The following PARP11 variants were observed in gnomAD, a reference collection of about 807,000 sequenced individuals.
PARP11 encodes the protein poly(ADP-ribose) polymerase family member 11.
A neutral mutation model predicts 42.9 loss-of-function variants in PARP11; 31 were observed. The observed-to-expected ratio is 0.72, with a 90% confidence interval of 0.54 to 0.98. The LOEUF (loss-of-function observed/expected upper bound fraction) is 0.98. Among genes scored for constraint, PARP11 ranks in the 50% least tolerant of loss-of-function variants. PARP11 has a pLI of 0.00. For synonymous variants in PARP11, 137 were observed against 127.3 expected, an observed-to-expected ratio of 1.08 and a Z score of -0.51; for missense variants, 365 against 413.1, an observed-to-expected ratio of 0.88 and a Z score of 1.01.
chr12:3,863,772 C>A (rs998637815), intron 1 of PARP11: 1 of 152,118 alleles, frequency 6.6e-6, no homozygotes. Flanking sequence ...TCATTTGAGC[C>A]AAAGTGTACA....
chr12:3,812,531 G>A, intron 7 of PARP11, 92 bp from the exon 8 acceptor site: 1 of 826,708 alleles, frequency 1.2e-6, no homozygotes, highest in Non-Finnish European at 1.9e-6. Context: ...TAGATGCATA[G>A]AATTGTATAA....
At chr12:3,846,487 T>C (rs1947999266) in intron 1 of PARP11, among the ~76,000 whole-genome samples, 2 of 152,160 alleles carry the variant, frequency 1.3e-5, no homozygotes, top group Non-Finnish European at 1.5e-5. Flanking sequence ...TTGGGCGCAG[T>C]AGCTCATGCC....
At chr12:3,842,213 T>C in intron 1 of PARP11, 1 of 1,599,366 alleles carries the variant, frequency 6.3e-7, no homozygotes. Context: ...ACTCTGTGGA[T>C]AGCAGAGTGC....
rs1039047217 is a variant in PARP11, at chr12:3,811,156, C to T, written c.*967G>A. ...AGAAACCAGATTTGTCTCAAGCATC[C>T]CATGCTTTCTATAATGTTTCAAAAT... On this transcript the variant is annotated 3_prime_UTR_variant, in exon 8 of 8. Transcript: ENST00000228820. 1 of 152,066 alleles carries T rather than the reference C, an allele frequency of 6.6e-6. No homozygotes were observed. Among genetic ancestry groups the T allele is most frequent in the Admixed American group, 6.5e-5 (1 of 15,274 alleles). The allele number at this position is 152,066 out of a possible 1,614,324, so 9.4% of individuals were successfully genotyped here. A position where few individuals can be genotyped will look rare whatever the true frequency, so the allele number is the denominator to read the frequency against.
chr12:3,869,988 T>C (rs1948446789), intron 1 of PARP11, among the ~76,000 whole-genome samples: 1 of 152,186 alleles, frequency 6.6e-6, no homozygotes, highest in Non-Finnish European at 1.5e-5. Context: ...AAAGGGATGA[T>C]TCGTGGCCCC....
intron 6 of PARP11, among the ~76,000 whole-genome samples, chr12:3,820,150 G>A (rs1313294192): frequency 1.3e-5 from 2 of 152,138 alleles, no homozygotes; most frequent in African/African-American, 4.8e-5. Context: ...ATGGTTCTCT[G>A]TACCATTATA....
intron 6 of PARP11, among the ~76,000 whole-genome samples, chr12:3,818,984 T>C (rs1472049493): frequency 6.6e-6 from 1 of 152,178 alleles, no homozygotes; most frequent in Non-Finnish European, 1.5e-5. Flanking sequence ...TCCTATAGTT[T>C]CTATTACCCC....
chr12:3,828,528 A>G (rs1029952200), intron 3 of PARP11, among the ~76,000 whole-genome samples: 3 of 149,736 alleles, frequency 2.0e-5, no homozygotes, highest in Non-Finnish European at 3.0e-5. Flanking sequence ...AGCCTGGGCA[A>G]CACAGTGAGA....
intron 6 of PARP11, 90 bp downstream of exon 6, chr12:3,821,783 A>G: frequency 1.5e-6 from 2 of 1,351,958 alleles, no homozygotes; most frequent in Non-Finnish European, 1.0e-6. Flanking sequence ...GCATGTCTAC[A>G]CCACTGAAAA....
At chr12:3,846,460 G>C (rs1947997794) in intron 1 of PARP11, among the ~76,000 whole-genome samples, 1 of 152,092 alleles carries the variant, frequency 6.6e-6, no homozygotes, top group African/African-American at 2.4e-5. Context: ...AAATCATAAA[G>C]AAATAGAAAA....
chr12:3,840,766 A>G lies in PARP11; in HGVS notation c.19-10748T>C. 2 of 1,484,508 alleles carry G rather than the reference A, an allele frequency of 1.3e-6. No individual in the cohort carries two copies. Among genetic ancestry groups the G allele is most frequent in the Non-Finnish European group, 1.9e-6 (2 of 1,061,770 alleles). The allele number at this position is 1,484,508 out of a possible 1,614,324, so 92.0% of individuals were successfully genotyped here. The stretch of plus-strand genomic sequence containing the variant: ...GTTGGATAAAAGACCCGAACCAAGC[A>G]TATTGGAGAATATTACTGATGATAA... On this transcript the variant is annotated intron_variant, in intron 1 of 7. Transcript: ENST00000228820. This position sits in a 1 kb window ranked among gnomAD's most constrained non-coding sequence, Gnocchi z 4.4.
At chr12:3,835,806 T>C (rs933979135) in intron 1 of PARP11, among the ~76,000 whole-genome samples, 4 of 151,968 alleles carry the variant, frequency 2.6e-5, no homozygotes, top group Non-Finnish European at 5.9e-5. Context: ...ATCAGCAAAC[T>C]TGAACATAAA....
intron 1 of PARP11, among the ~76,000 whole-genome samples, chr12:3,853,850 T>C (rs929026892): frequency 6.6e-6 from 1 of 152,156 alleles, no homozygotes; most frequent in Non-Finnish European, 1.5e-5. Context: ...CAGCATCACA[T>C]TGTACTTATT....
intron 1 of PARP11, chr12:3,839,618 T>C: frequency 1.9e-6 from 2 of 1,068,216 alleles, no homozygotes; most frequent in Non-Finnish European, 2.9e-6. Context: ...CAAATGGAAA[T>C]AAGTGCCCTT....
At chr12:3,846,887 C>T (rs1948013625) in intron 1 of PARP11, among the ~76,000 whole-genome samples, 1 of 152,046 alleles carries the variant, frequency 6.6e-6, no homozygotes, top group East Asian at 1.9e-4. Flanking sequence ...GAGTTCAAGA[C>T]CAGTCTAGGC....
At position 3,841,238 on chromosome 12, in the gene PARP11, G is replaced by C; in HGVS notation, c.19-11220C>G. ...CCACCTTCTTCACTGTGTCAGACTG[G>C]GGAGGACCTACCTAAAGATAAGAAT... On this transcript the variant is annotated intron_variant, in intron 1 of 7. Transcript: ENST00000228820. The C allele has an allele frequency of 2.1e-6, 3 of 1,453,394 alleles. No individual in the cohort carries two copies. In the South Asian group the frequency reaches 3.4e-5, roughly 17 times the overall value. The allele number at this position is 1,453,394 out of a possible 1,614,324, so 90.0% of individuals were successfully genotyped here.
At chr12:3,833,753 TG>T (rs1414660400) in intron 1 of PARP11, among the ~76,000 whole-genome samples, 1 of 152,240 alleles carries the variant, frequency 6.6e-6, no homozygotes, top group Non-Finnish European at 1.5e-5. Context: ...TCAGAGTCTG[TG>T]GCGTTTGAGT....
At chr12:3,820,665 A>G (rs960526727) in intron 6 of PARP11, among the ~76,000 whole-genome samples, 6 of 152,216 alleles carry the variant, frequency 3.9e-5, no homozygotes, top group South Asian at 2.1e-4. Flanking sequence ...TCATCAGACT[A>G]TTTCAGAAAA....
chr12:3,841,041 C>T, intron 1 of PARP11: 1 of 1,584,756 alleles, frequency 6.3e-7, no homozygotes, highest in South Asian at 1.1e-5. Context: ...AGACTTTGAC[C>T]CCTGGACCTG....
Sources: allele counts gnomAD v4.1 joint callset (sites outside exome capture counted in the v4.1 genomes callset), GRCh38; gene constraint gnomAD v4.1.1; non-coding constraint Gnocchi (gnomAD v3.1); transcripts MANE v1.5; gene names NCBI Gene and HGNC (gene_info 2026-07-23, HGNC 2026-07-21).